Variants in BRD10 observed in about 807,000 individuals in gnomAD.
The protein encoded by BRD10 is bromodomain containing 10.
At chr9:5,932,585 G>A in the BRD10 span, among the ~76,000 whole-genome samples, 31 of 152,262 alleles carry the variant, frequency 2.0e-4, no homozygotes, top group Non-Finnish European at 4.4e-5. Flanking sequence ...GAGGATGTGT[G>A]TAGGTTATAC....
At chr9:5,914,851 T>C in the BRD10 span, among the ~76,000 whole-genome samples, 1 of 152,134 alleles carries the variant, frequency 6.6e-6, no homozygotes, top group Non-Finnish European at 1.5e-5. Flanking sequence ...AAACCATAAT[T>C]GAATTTTGTA....
chr9:5,961,508 C>T, the BRD10 span, among the ~76,000 whole-genome samples: 4,458 of 151,970 alleles, frequency 0.029, 98 homozygotes, highest in Middle Eastern at 0.065. Flanking sequence ...TTAATTTATG[C>T]ACAGCTAATC....
chr9:5,883,531 T>C, the BRD10 span, among the ~76,000 whole-genome samples: 1 of 141,442 alleles, frequency 7.1e-6, no homozygotes, highest in African/African-American at 2.6e-5. Flanking sequence ...AGTGGTGCAA[T>C]CATAGCTCAC....
the BRD10 span, chr9:5,933,876 G>A: frequency 2.1e-6 from 1 of 468,052 alleles, no homozygotes; most frequent in South Asian, 1.6e-5. Context: ...TGGGGACATT[G>A]GATACCTAAA....
At chr9:5,992,004 T>A in the BRD10 span, among the ~76,000 whole-genome samples, 1 of 152,196 alleles carries the variant, frequency 6.6e-6, no homozygotes, top group African/African-American at 2.4e-5. Flanking sequence ...TTCCTCCAGA[T>A]ACTCATATGG....
the BRD10 span, among the ~76,000 whole-genome samples, chr9:5,937,133 G>C: frequency 2.0e-5 from 3 of 151,832 alleles, no homozygotes; most frequent in Non-Finnish European, 4.4e-5. Flanking sequence ...AGGAGGCTGA[G>C]GCAGGAGAAT....
chr9:5,985,894 G>A, the BRD10 span, among the ~76,000 whole-genome samples: 2 of 152,220 alleles, frequency 1.3e-5, no homozygotes, highest in South Asian at 4.1e-4. Flanking sequence ...AGAAGTACAA[G>A]GAAACTAGAT....
the BRD10 span, chr9:5,908,512 A>G: frequency 1.2e-6 from 1 of 807,656 alleles, no homozygotes; most frequent in South Asian, 1.7e-5. Flanking sequence ...GGCAGAAATT[A>G]TATGGGAACA....
chr9:5,882,998 G>A, the BRD10 span, among the ~76,000 whole-genome samples: 4 of 152,054 alleles, frequency 2.6e-5, no homozygotes, highest in East Asian at 1.9e-4. Flanking sequence ...ATCACACACC[G>A]GGGCCTGTTG....
the BRD10 span, chr9:5,913,848 G>T: frequency 7.8e-6 from 2 of 255,942 alleles, no homozygotes; most frequent in African/African-American, 2.3e-5. Context: ...TCAAAGAAAT[G>T]GTCTCCCACC....
the BRD10 span, among the ~76,000 whole-genome samples, chr9:5,956,967 G>T: frequency 6.6e-6 from 1 of 151,980 alleles, no homozygotes; most frequent in Non-Finnish European, 1.5e-5. Flanking sequence ...CAGTCTAGGG[G>T]GTAGGAAAAG....
chr9:5,969,702 C>T, the BRD10 span, among the ~76,000 whole-genome samples: 6 of 152,126 alleles, frequency 3.9e-5, no homozygotes, highest in African/African-American at 1.2e-4. Flanking sequence ...TGCCACCACA[C>T]CCAGCTAACA....
At chr9:5,916,967 T>C in the BRD10 span, among the ~76,000 whole-genome samples, 1 of 152,152 alleles carries the variant, frequency 6.6e-6, no homozygotes, top group African/African-American at 2.4e-5. Flanking sequence ...GGCAAAGGAA[T>C]TTGGGTTTTT....
At chr9:5,905,291 A>G in the BRD10 span, among the ~76,000 whole-genome samples, 7 of 152,210 alleles carry the variant, frequency 4.6e-5, no homozygotes, top group African/African-American at 1.4e-4. Flanking sequence ...GACCCCAGGG[A>G]AACCTGAAAA....
the BRD10 span, among the ~76,000 whole-genome samples, chr9:5,997,811 G>A: frequency 6.6e-6 from 1 of 152,122 alleles, no homozygotes; most frequent in Non-Finnish European, 1.5e-5. Context: ...AGTGGGGTAG[G>A]TTTGGCAACA....
chr9:5,984,298 T>C, the BRD10 span, among the ~76,000 whole-genome samples: 1 of 152,026 alleles, frequency 6.6e-6, no homozygotes, highest in Non-Finnish European at 1.5e-5. Flanking sequence ...AAAACACATG[T>C]AGAAGGAAGG....
the BRD10 span, among the ~76,000 whole-genome samples, chr9:5,979,886 G>A: frequency 9.3e-5 from 14 of 151,068 alleles, no homozygotes; most frequent in African/African-American, 3.2e-4. Flanking sequence ...CATAGTGGCA[G>A]CACCTGTAGC....
the BRD10 span, chr9:5,908,676 G>C: frequency 4.3e-6 from 7 of 1,613,976 alleles, no homozygotes; most frequent in Non-Finnish European, 5.9e-6. Context: ...GAAACTCTCT[G>C]CAGAACAGTC....
the BRD10 span, among the ~76,000 whole-genome samples, chr9:5,911,542 CTT>C: frequency 6.0e-5 from 8 of 132,930 alleles, no homozygotes; most frequent in African/African-American, 1.1e-4. Context: ...CTTTTCTTTT[CTT>C]TTTTTTTTTT....
Sources: gnomAD v4.1 joint callset for allele counts (sites outside exome capture counted in the v4.1 genomes callset) on GRCh38, gnomAD v4.1.1 for gene constraint, MANE v1.5 for transcripts, NCBI Gene and HGNC (gene_info 2026-07-23, HGNC 2026-07-21) for gene names.